KLF17: variants seen among roughly 807,000 people sequenced by gnomAD.
KLF17 encodes the protein KLF transcription factor 17.
In KLF17, 31 loss-of-function variants were observed where a neutral mutation model predicts 34.2. That is an observed-to-expected ratio of 0.91 (90% CI 0.68 to 1.22). The LOEUF (loss-of-function observed/expected upper bound fraction) is 1.22. KLF17 is among the 50% of genes most tolerant of loss of function. The pLI is 0.00. For missense variants in KLF17, 478 were observed against 505.2 expected (o/e 0.95, Z 0.52); for synonymous variants, 179 against 186.7 (o/e 0.96, Z 0.34).
the KLF17 span, among the ~76,000 whole-genome samples, chr1:44,078,763 G>A: frequency 5.9e-5 from 9 of 152,084 alleles, no homozygotes; most frequent in Admixed American, 3.9e-4. Context: ...CACTGGTGTG[G>A]ATGCCAGCAG....
At chr1:44,049,193 G>T in the KLF17 span, among the ~76,000 whole-genome samples, 1 of 152,058 alleles carries the variant, frequency 6.6e-6, no homozygotes, top group Non-Finnish European at 1.5e-5. Flanking sequence ...CTTCTTATAA[G>T]GGCACTAATC....
the KLF17 span, among the ~76,000 whole-genome samples, chr1:44,062,060 C>A: frequency 1.3e-5 from 2 of 152,322 alleles, no homozygotes; most frequent in African/African-American, 4.8e-5. Context: ...TTTCTTCTAC[C>A]ACTGGCTTGC....
Position 44,130,563 on chromosome 1 carries a change from G to T in KLF17, c.977G>T (p.Arg326Leu). The part of the protein sequence containing the change: ...NWESCSWSFF[R>L]SDELRRHMRV... ...GAAAGTTGTTCATGGTCTTTCTTCC[G>T]TTCTGATGAGCTTAGACGACATATG... Residue 326 changes from arginine to leucine, a missense_variant, in exon 3 of 4, where the codon CGT becomes CTT. Coordinates refer to ENST00000372299, the MANE Select transcript of KLF17 (RefSeq NM_173484.4). 1 of 1,614,060 alleles carries T rather than the reference G, an allele frequency of 6.2e-7. No homozygotes were observed. The highest frequency in any genetic ancestry group is 1.1e-5 in the South Asian group (1 of 91,074).
chr1:44,103,930 G>T, the KLF17 span: 1 of 848,114 alleles, frequency 1.2e-6, no homozygotes, highest in Non-Finnish European at 2.0e-6. Context: ...TACTTGATCT[G>T]GTACATGCTC....
intron 1 of KLF17, among the ~76,000 whole-genome samples, chr1:44,128,521 C>G (rs1011270359): frequency 5.9e-5 from 9 of 152,150 alleles, no homozygotes; most frequent in Non-Finnish European, 1.2e-4. Flanking sequence ...TGCCTTTTCC[C>G]CATCTCTCCT....
At chr1:44,113,611 A>G in the KLF17 span, among the ~76,000 whole-genome samples, 1 of 152,192 alleles carries the variant, frequency 6.6e-6, no homozygotes, top group African/African-American at 2.4e-5. Context: ...CAGGCAGAGA[A>G]ACAAGTTCTG....
At chr1:44,061,631 G>C in the KLF17 span, among the ~76,000 whole-genome samples, 4 of 152,106 alleles carry the variant, frequency 2.6e-5, no homozygotes, top group Non-Finnish European at 4.4e-5. Flanking sequence ...TTAAAAATGG[G>C]TATAGGCTGG....
chr1:44,054,357 T>TAGGCCCTCTGCTGCTTC, the KLF17 span, among the ~76,000 whole-genome samples: 1 of 152,292 alleles, frequency 6.6e-6, no homozygotes, highest in East Asian at 1.9e-4. Context: ...GTGGCTGCTT[T>TAGGCCCTCTGCTGCTTC]AGGCCCTCTG....
chr1:44,097,869 TG>T, the KLF17 span, among the ~76,000 whole-genome samples: 1 of 152,224 alleles, frequency 6.6e-6, no homozygotes, highest in African/African-American at 2.4e-5. Context: ...TCTATTGAAA[TG>T]ATCTTATGGT....
the KLF17 span, chr1:44,104,750 A>G: frequency 3.4e-6 from 1 of 291,714 alleles, no homozygotes; most frequent in East Asian, 7.4e-5. Flanking sequence ...TTGTTCATCA[A>G]TAGCATAATT....
chr1:44,100,079 TACACACACACAC>T, the KLF17 span, among the ~76,000 whole-genome samples: 206 of 138,600 alleles, frequency 1.5e-3, 1 homozygote, highest in African/African-American at 4.7e-3. Context: ...CTACTAAAAA[TACACACACACAC>T]ACACACACAC....
At chr1:44,083,535 G>A in the KLF17 span, among the ~76,000 whole-genome samples, 522 of 152,184 alleles carry the variant, frequency 3.4e-3, 2 homozygotes, top group African/African-American at 0.011. Flanking sequence ...GGTGGCTCAC[G>A]CCTGTAATCC....
upstream of KLF17, chr1:44,115,654 A>G (rs1236207069): frequency 1.3e-5 from 2 of 152,162 alleles, no homozygotes; most frequent in African/African-American, 2.4e-5. Flanking sequence ...AAAATGAAAG[A>G]TGAATAAAGG....
At chr1:44,098,643 T>C in the KLF17 span, among the ~76,000 whole-genome samples, 48,613 of 148,140 alleles carry the variant, frequency 0.33, 8,047 homozygotes, top group South Asian at 0.38. Context: ...CTCTGCCTCC[T>C]GGGTTCACGC....
At chr1:44,115,101 T>A (rs2087866891), upstream of KLF17, 1 of 152,174 alleles carries the variant, frequency 6.6e-6, no homozygotes, top group African/African-American at 2.4e-5. Context: ...AGGGCTTGAC[T>A]TTTTTCAATT....
chr1:44,111,713 G>A, the KLF17 span, among the ~76,000 whole-genome samples: 2 of 152,026 alleles, frequency 1.3e-5, no homozygotes, highest in Non-Finnish European at 2.9e-5. Flanking sequence ...CTTACACGGT[G>A]AAACCCCATC....
upstream of KLF17, among the ~76,000 whole-genome samples, chr1:44,116,241 C>T (rs1337253526): frequency 6.6e-6 from 1 of 152,146 alleles, no homozygotes; most frequent in Non-Finnish European, 1.5e-5. Context: ...GCCACCATTT[C>T]TCAAGGGCCT....
chr1:44,111,924 G>A, the KLF17 span, among the ~76,000 whole-genome samples: 1 of 151,976 alleles, frequency 6.6e-6, no homozygotes, highest in Non-Finnish European at 1.5e-5. Context: ...AGAAATAAAC[G>A]TTGGTACAAT....
the KLF17 span, among the ~76,000 whole-genome samples, chr1:44,053,428 C>T: frequency 6.6e-6 from 1 of 152,038 alleles, no homozygotes; most frequent in African/African-American, 2.4e-5. Flanking sequence ...CCTGTGTCCC[C>T]ACTTTGAAGC....
Sources: allele counts gnomAD v4.1 joint callset (sites outside exome capture counted in the v4.1 genomes callset), GRCh38; gene constraint gnomAD v4.1.1; transcripts MANE v1.5; gene names NCBI Gene and HGNC (gene_info 2026-07-23, HGNC 2026-07-21).